The following ARSH variants were observed in gnomAD, a reference collection of about 807,000 sequenced individuals.
ARSH encodes the protein arylsulfatase H.
Under a neutral mutation model 28.7 loss-of-function variants are expected in ARSH, and 32 were observed. The observed-to-expected ratio is 1.11, with a 90% CI of 0.84 to 1.50. The LOEUF is 1.50. ARSH is among the 40% of genes most tolerant of loss of function. ARSH has a pLI of 0.00. For missense variants in ARSH, 440 were observed against 452.4 expected (o/e 0.97, Z 0.25); for synonymous variants, 176 against 177.3 (o/e 0.99, Z 0.06).
At position 3,026,191 on chromosome X, in the gene ARSH, A is replaced by G. The variant is rs1004068279; in HGVS notation, c.1037-1122A>G. ...TTTTCTTATAATAAAGAATGGTGCT[A>G]CTTGGGAGGCTCAGGAGGGAGGCTC... On this transcript the variant is annotated intron_variant, in intron 6 of 8. Coordinates refer to ENST00000381130, the MANE Select transcript of ARSH (RefSeq NM_001011719.2). 5.4e-5 allele frequency among the ~76,000 whole-genome samples: 6 copies of G among 111,409 alleles called. No homozygotes were observed. The South Asian group carries it at 1.1e-3, about 21-fold the overall frequency.
chrX:3,018,385 C>T (rs2089871583), intron 4 of ARSH, 149 bp from the exon 5 acceptor site: 3 of 466,297 alleles, frequency 6.4e-6, no homozygotes, highest in South Asian at 3.8e-5. Context: ...GTGGTATTTA[C>T]GACTCACAGG....
chrX:3,024,904 G>A (rs1464407466), intron 6 of ARSH, among the ~76,000 whole-genome samples: 1 of 110,119 alleles, frequency 9.1e-6, no homozygotes. Context: ...CCCCCTACCC[G>A]CTAACCTTCC....
Position 3,010,039 on chromosome X carries a change from T to G in ARSH, c.102T>G (p.Asn34Lys), listed in dbSNP as rs770774831. Residue 34 changes from asparagine (N) to lysine (K), a missense_variant, in exon 2 of 9, where the codon AAT becomes AAG. Asn to Lys is a moderately conservative substitution (Grantham distance 94). Coordinates refer to ENST00000381130, the MANE Select transcript of ARSH (RefSeq NM_001011719.2). Reference sequence around the variant, plus strand: ...CTTCTTTGGTCTGCAGCACACCTAATATTGACCGCCTGGCAAGTGAAGGAG... The same window carrying G: ...CTTCTTTGGTCTGCAGCACACCTAAGATTGACCGCCTGGCAAGTGAAGGAG... ...CYGNNSVSTP[N>K]IDRLASEGVR... The G allele has an allele frequency of 9.1e-6, 11 of 1,209,321 alleles. No individual in the cohort carries two copies. Among genetic ancestry groups the G allele is most frequent in the Admixed American group, 4.4e-5 (2 of 45,619 alleles).
chrX:3,011,268 G>A (rs374216942), intron 2 of ARSH, among the ~76,000 whole-genome samples: 1 of 25,357 alleles, frequency 3.9e-5, no homozygotes, highest in Non-Finnish European at 7.9e-5. Context: ...TTTTTTTTTT[G>A]AGACAGACTC....
At position 3,013,191 on chromosome X, in the gene ARSH, G is replaced by A. The variant is rs1055366396; in HGVS notation, c.340+19G>A. The A allele has an allele frequency of 8.4e-7, 1 of 1,196,405 alleles. No individual in the cohort carries two copies. The highest frequency in any genetic ancestry group is 1.1e-6 in the Non-Finnish European group (1 of 887,793). On this transcript the variant is annotated intron_variant, in intron 3 of 8. Transcript: ENST00000381130. Reference sequence around the variant, plus strand: ...CTCATAGGTATGGCGCCGGAACTCTGCCCGTGGAAACGTGATCCTGCAGCC... The same window carrying A: ...CTCATAGGTATGGCGCCGGAACTCTACCCGTGGAAACGTGATCCTGCAGCC...
intron 1 of ARSH, among the ~76,000 whole-genome samples, chrX:3,007,961 C>T (rs1378712642): frequency 3.6e-5 from 4 of 111,560 alleles, no homozygotes; most frequent in African/African-American, 1.3e-4. Context: ...TTAACGACCT[C>T]ATGCTACCTT....
chrX:3,029,605 A>G (rs2089908450), intron 8 of ARSH, among the ~76,000 whole-genome samples: 1 of 111,732 alleles, frequency 8.9e-6, no homozygotes, highest in Non-Finnish European at 1.9e-5. Flanking sequence ...ATCTCGGCTC[A>G]CCACAACCTC....
intron 6 of ARSH, 36 bp from the exon 7 acceptor site, chrX:3,027,277 A>G: frequency 8.3e-7 from 1 of 1,204,040 alleles, no homozygotes; most frequent in Non-Finnish European, 1.1e-6. Flanking sequence ...TTGGGTTTTA[A>G]CTCATCTTTG....
At chrX:3,022,808 C>T (rs1470753899) in intron 5 of ARSH, among the ~76,000 whole-genome samples, 1 of 111,243 alleles carries the variant, frequency 9.0e-6, no homozygotes, top group East Asian at 2.8e-4. Context: ...AGATAGCAGC[C>T]AGGACAGCAA....
chrX:3,022,444 A>G (rs1373793874), intron 5 of ARSH, among the ~76,000 whole-genome samples: 2 of 112,039 alleles, frequency 1.8e-5, no homozygotes, highest in Non-Finnish European at 3.8e-5. Context: ...GTTTACGTAT[A>G]AACAGTTTTC....
At chrX:3,027,206 C>A (rs1216114318) in intron 6 of ARSH, 107 bp from the exon 7 acceptor site, 12 of 852,721 alleles carry the variant, frequency 1.4e-5, no homozygotes, top group Non-Finnish European at 2.0e-5. Flanking sequence ...GTGATCCGCC[C>A]ACCTCGGCCC....
chrX:3,010,553 G>T lies in ARSH; in HGVS notation c.214+402G>T, dbSNP rs139573452. On this transcript the variant is annotated intron_variant, in intron 2 of 8. Coordinates refer to ENST00000381130, the MANE Select transcript of ARSH (RefSeq NM_001011719.2). ...AAACTAGACACAGTTGGGAAAAAAG[G>T]TATAACTGAGAAAACAAAAAGGAAA... Among the ~76,000 whole-genome samples, 181 of 111,983 alleles carry T rather than the reference G, an allele frequency of 1.6e-3. 1 individual carries two copies. The highest frequency in any genetic ancestry group is 0.014 in the East Asian group (48 of 3,553).
chrX:3,031,799 A>G (rs1020279287), intron 8 of ARSH, among the ~76,000 whole-genome samples: 3 of 111,228 alleles, frequency 2.7e-5, no homozygotes, highest in African/African-American at 9.8e-5. Flanking sequence ...TAATTTCAGA[A>G]GTTGGGAGCA....
intron 6 of ARSH, 129 bp downstream of exon 6, chrX:3,024,284 G>T: frequency 3.0e-6 from 2 of 665,339 alleles, no homozygotes; most frequent in Non-Finnish European, 2.0e-6. Flanking sequence ...TATTAAGCTA[G>T]ACCGAAAAAA....
At chrX:3,006,869 C>T (rs144960086) in intron 1 of ARSH, among the ~76,000 whole-genome samples, 165 bp downstream of exon 1, 1,304 of 110,938 alleles carry the variant, frequency 0.012, 19 homozygotes, top group African/African-American at 0.04. Context: ...GTCAGGAGAC[C>T]ACTTAACCTC....
intron 8 of ARSH, among the ~76,000 whole-genome samples, chrX:3,030,961 G>A (rs12833818): frequency 0.04 from 4,347 of 109,227 alleles, 94 homozygotes; most frequent in Non-Finnish European, 0.064. Flanking sequence ...ATCAGCCTGG[G>A]CAACATTGCA....
At chrX:3,014,600 C>T (rs2089860409) in intron 3 of ARSH, among the ~76,000 whole-genome samples, 2 of 111,263 alleles carry the variant, frequency 1.8e-5, no homozygotes, top group African/African-American at 3.3e-5. Context: ...GGTATTGTCC[C>T]CACCAAACAA....
Position 3,009,888 on chromosome X carries a change from A to G in ARSH, c.93-142A>G, listed in dbSNP as rs2089841454. On this transcript the variant is annotated intron_variant, in intron 1 of 8. Transcript: ENST00000381130. ...ACCATCAATGCATATAAGGAAATAG[A>G]CAGATTAAAGTTTTAAAAAGATGGA... 3 of 678,551 alleles carry G rather than the reference A, an allele frequency of 4.4e-6. No homozygotes were observed. In the Admixed American group the frequency reaches 1.1e-4, roughly 24 times the overall value. The allele number at this position is 678,551 out of a possible 1,213,427, so 55.9% of individuals were successfully genotyped here.
At chrX:3,030,912 G>T (rs1467921750) in intron 8 of ARSH, among the ~76,000 whole-genome samples, 1 of 110,365 alleles carries the variant, frequency 9.1e-6, no homozygotes, top group African/African-American at 3.3e-5. Flanking sequence ...CACTTCAGGA[G>T]GCCAAGGTAG....
Sources: gnomAD v4.1 joint callset for allele counts (sites outside exome capture counted in the v4.1 genomes callset) on GRCh38, gnomAD v4.1.1 for gene constraint, MANE v1.5 for transcripts, NCBI Gene and HGNC (gene_info 2026-07-23, HGNC 2026-07-21) for gene names.